The following PDE1C variants were observed in gnomAD, a reference collection of about 807,000 sequenced individuals.
The protein encoded by PDE1C is dual specificity calcium/calmodulin-dependent 3',5'-cyclic nucleotide phosphodiesterase 1C.
In PDE1C, 62 loss-of-function variants were observed where a neutral mutation model predicts 93.1. That is an observed-to-expected ratio of 0.67 (90% CI 0.54 to 0.82). PDE1C has a LOEUF of 0.82. PDE1C is among the 40% of genes least tolerant of loss of function. PDE1C has a pLI of 0.00. For synonymous variants in PDE1C, 325 were observed against 310.1 expected, an observed-to-expected ratio of 1.05 and a Z score of -0.50; for missense variants, 742 against 884.6, an observed-to-expected ratio of 0.84 and a Z score of 2.04.
chr7:32,384,289 A>C (rs983706080), intron 1 of PDE1C, among the ~76,000 whole-genome samples: 2 of 152,236 alleles, frequency 1.3e-5, no homozygotes, highest in African/African-American at 4.8e-5. Context: ...AATAACACCT[A>C]TAATCCAGGA....
intron 6 of PDE1C, among the ~76,000 whole-genome samples, chr7:31,871,790 CA>C (rs1795981454): frequency 1.3e-5 from 2 of 150,434 alleles, no homozygotes; most frequent in African/African-American, 2.4e-5. Flanking sequence ...CTATGGAAAA[CA>C]GTGTGCGGAT....
At chr7:31,878,081 T>A in intron 4 of PDE1C, 45 bp from the exon 5 acceptor site, 1 of 1,376,750 alleles carries the variant, frequency 7.3e-7, no homozygotes, top group Non-Finnish European at 1.0e-6. Flanking sequence ...TCTTATAAAG[T>A]AGGATTTGTA....
chr7:31,997,407 G>C (rs1430376707), intron 2 of PDE1C, among the ~76,000 whole-genome samples: 5 of 152,182 alleles, frequency 3.3e-5, no homozygotes, highest in African/African-American at 1.2e-4. Flanking sequence ...GTTGGATTCA[G>C]GTCTTTTTGT....
At chr7:31,874,192 T>C (rs896547404) in intron 5 of PDE1C, among the ~76,000 whole-genome samples, 1 of 152,216 alleles carries the variant, frequency 6.6e-6, no homozygotes, top group African/African-American at 2.4e-5. Context: ...ACACACACCT[T>C]ATATACCATC....
At chr7:32,115,256 G>T (rs1008827857) in intron 3 of PDE1C, among the ~76,000 whole-genome samples, 3 of 152,064 alleles carry the variant, frequency 2.0e-5, no homozygotes, top group Non-Finnish European at 4.4e-5. Context: ...AGAAAATGTG[G>T]TACATATACA....
chr7:31,805,888 G>A (rs1284289168), intron 16 of PDE1C, among the ~76,000 whole-genome samples: 1 of 151,746 alleles, frequency 6.6e-6, no homozygotes, highest in Non-Finnish European at 1.5e-5. Flanking sequence ...TTATTTCCTG[G>A]CTCCCAAAGA....
intron 6 of PDE1C, 54 bp from the exon 7 acceptor site, chr7:31,865,136 GAC>G (rs1795141281): frequency 2.3e-5 from 36 of 1,597,826 alleles, no homozygotes; most frequent in Non-Finnish European, 2.8e-5. Flanking sequence ...TTTCAATGGA[GAC>G]ACAGAAGTCT....
intron 2 of PDE1C, among the ~76,000 whole-genome samples, chr7:32,047,679 A>G (rs370520626): frequency 6.6e-6 from 1 of 152,112 alleles, no homozygotes; most frequent in African/African-American, 2.4e-5. Context: ...ATTGTGTTGT[A>G]GTAGGATGAC....
At chr7:31,933,423 A>AT (rs963612202) in intron 2 of PDE1C, among the ~76,000 whole-genome samples, 1 of 152,228 alleles carries the variant, frequency 6.6e-6, no homozygotes, top group Non-Finnish European at 1.5e-5. Context: ...ATTTTCCAGA[A>AT]TAGAGGAGCC....
At chr7:31,902,436 GAA>G (rs1469151084) in intron 2 of PDE1C, among the ~76,000 whole-genome samples, 1 of 151,780 alleles carries the variant, frequency 6.6e-6, no homozygotes, top group South Asian at 2.1e-4. Context: ...AGCAGCACAG[GAA>G]AAAATGGTTG....
chr7:31,814,016 C>G (rs1243231030), intron 15 of PDE1C, among the ~76,000 whole-genome samples: 1 of 66,788 alleles, frequency 1.5e-5, no homozygotes, highest in African/African-American at 4.9e-5. Flanking sequence ...AATAGTATTC[C>G]ATCGTGTGTG....
intron 7 of PDE1C, among the ~76,000 whole-genome samples, chr7:31,862,041 A>C (rs1794751984): frequency 6.6e-6 from 1 of 152,140 alleles, no homozygotes; most frequent in Non-Finnish European, 1.5e-5. Context: ...ATTCTCTTAC[A>C]GGACTCTTGT....
chr7:32,317,241 T>C (rs1305742199), intron 1 of PDE1C, among the ~76,000 whole-genome samples: 2 of 152,216 alleles, frequency 1.3e-5, no homozygotes, highest in African/African-American at 2.4e-5. Context: ...TAGTTTTCTT[T>C]ATTCTCAACT....
chr7:32,283,497 T>C (rs894660531), intron 1 of PDE1C, among the ~76,000 whole-genome samples: 1 of 152,224 alleles, frequency 6.6e-6, no homozygotes, highest in African/African-American at 2.4e-5. Flanking sequence ...ATTGTTAAAA[T>C]AGTAACAATG....
At chr7:31,727,983 G>A in the PDE1C span, among the ~76,000 whole-genome samples, 12 of 152,206 alleles carry the variant, frequency 7.9e-5, no homozygotes, top group Admixed American at 5.2e-4. Context: ...AGCAGAGGTT[G>A]TAGTGAGCTG....
chr7:32,205,060 A>G (rs1324017019), intron 2 of PDE1C, among the ~76,000 whole-genome samples: 1 of 152,238 alleles, frequency 6.6e-6, no homozygotes, highest in African/African-American at 2.4e-5. Flanking sequence ...ACAACCAGCC[A>G]CACTTATTGA....
intron 1 of PDE1C, among the ~76,000 whole-genome samples, chr7:32,412,724 A>G (rs1785197062): frequency 6.6e-6 from 1 of 152,188 alleles, no homozygotes; most frequent in Non-Finnish European, 1.5e-5. Context: ...TATGCAGGAC[A>G]TAACTATACA....
At chr7:32,112,404 T>C (rs146672004) in intron 3 of PDE1C, among the ~76,000 whole-genome samples, 1 of 152,158 alleles carries the variant, frequency 6.6e-6, no homozygotes, top group Admixed American at 6.5e-5. Flanking sequence ...GCAACACATT[T>C]TATTGAGATA....
intron 17 of PDE1C, among the ~76,000 whole-genome samples, chr7:31,767,720 C>T (rs953350541): frequency 1.1e-4 from 16 of 152,324 alleles, no homozygotes; most frequent in African/African-American, 3.8e-4. Flanking sequence ...TCTTGCAGTT[C>T]TAGAGGCTGG....
Sources: gnomAD v4.1 joint callset for allele counts (sites outside exome capture counted in the v4.1 genomes callset) on GRCh38, gnomAD v4.1.1 for gene constraint, MANE v1.5 for transcripts, NCBI Gene and HGNC (gene_info 2026-07-23, HGNC 2026-07-21) for gene names.